Variants in NRG3 observed in about 807,000 individuals in gnomAD.
The protein encoded by NRG3 is neuregulin 3, also known as pro-neuregulin-3, membrane-bound isoform.
In NRG3, 31 loss-of-function variants were observed where a neutral mutation model predicts 66.9. The ratio of observed to expected loss-of-function variants is 0.46; its 90% confidence interval spans 0.35 to 0.63. The LOEUF (loss-of-function observed/expected upper bound fraction) is 0.63, where lower values mean the gene tolerates loss of function less well. NRG3 is among the 20% of genes least tolerant of loss of function. The pLI, the probability that NRG3 is intolerant of heterozygous loss-of-function variation, is 0.00. For missense variants in NRG3, 910 were observed against 878.9 expected (o/e 1.04, Z -0.45); for synonymous variants, 393 against 359.4 (o/e 1.09, Z -1.06).
At chr10:82,501,380 T>A (rs1334307155) in intron 2 of NRG3, among the ~76,000 whole-genome samples, 2 of 152,126 alleles carry the variant, frequency 1.3e-5, no homozygotes, top group Non-Finnish European at 2.9e-5. Context: ...TTAGGTCACC[T>A]CACTCCCCTG....
At position 82,899,079 on chromosome 10, in the gene NRG3, C is replaced by T. The variant is rs184435888; in HGVS notation, c.1054+33642C>T. On this transcript the variant is annotated intron_variant, in intron 4 of 8. Transcript: ENST00000372141. ...GTGACCAAATTGTTTTGGTCTTTAA[C>T]GACTTCATGTGTATAATGAGGGATG... 4.2e-3 allele frequency among the ~76,000 whole-genome samples: 636 copies of T among 152,144 alleles called. 5 individuals are homozygous for T. Among genetic ancestry groups the T allele is most frequent in the Non-Finnish European group, 6.1e-3 (417 of 67,996 alleles).
chr10:82,696,935 G>A (rs139333657), intron 2 of NRG3, among the ~76,000 whole-genome samples: 110 of 152,296 alleles, frequency 7.2e-4, no homozygotes, highest in Admixed American at 1.4e-3. Flanking sequence ...TATGAAAAAC[G>A]TCCCTCCATT....
intron 1 of NRG3, among the ~76,000 whole-genome samples, chr10:82,208,338 T>A (rs2133591490): frequency 6.6e-6 from 1 of 152,226 alleles, no homozygotes; most frequent in East Asian, 1.9e-4. Flanking sequence ...TAATCAAATG[T>A]TTTATATTAG....
At chr10:82,420,309 A>T (rs576994420) in intron 2 of NRG3, among the ~76,000 whole-genome samples, 19 of 152,274 alleles carry the variant, frequency 1.2e-4, no homozygotes, top group Middle Eastern at 3.4e-3. Context: ...CAGAAGTCAT[A>T]ATTAGGGATG....
At chr10:81,964,635 G>A (rs556893304) in intron 1 of NRG3, among the ~76,000 whole-genome samples, 96 of 152,196 alleles carry the variant, frequency 6.3e-4, no homozygotes, top group Non-Finnish European at 1.0e-3. Flanking sequence ...TGGAATACTG[G>A]ATCAGACAGT....
Position 82,572,688 on chromosome 10 carries a change from T to C in NRG3, c.954-165889T>C, listed in dbSNP as rs558557471. ...TCTTTCTTTTCTACTTTCCCAGAAA[T>C]TCTGGTAAAAGTAATGTAAAAAATG... On this transcript the variant is annotated intron_variant, in intron 2 of 8. Transcript: ENST00000372141. 3.4e-4 allele frequency among the ~76,000 whole-genome samples: 51 copies of C among 151,726 alleles called. No homozygotes were observed. In the South Asian group the frequency reaches 0.011, roughly 31 times the overall value.
intron 2 of NRG3, among the ~76,000 whole-genome samples, chr10:82,602,681 C>G (rs1439157609): frequency 6.6e-6 from 1 of 152,022 alleles, no homozygotes; most frequent in Non-Finnish European, 1.5e-5. Context: ...TATATGAAGA[C>G]CCAAGCGCAG....
At chr10:82,463,358 A>C (rs763143322) in intron 2 of NRG3, among the ~76,000 whole-genome samples, 18 of 152,198 alleles carry the variant, frequency 1.2e-4, no homozygotes, top group Non-Finnish European at 2.5e-4. Flanking sequence ...AGTCAAGAGC[A>C]GTGAGCAAAA....
intron 2 of NRG3, among the ~76,000 whole-genome samples, chr10:82,660,263 C>T (rs926878701): frequency 1.7e-5 from 2 of 119,476 alleles, no homozygotes; most frequent in African/African-American, 6.2e-5. Context: ...AAAGTGACTA[C>T]TGCAATAGAT....
intron 1 of NRG3, among the ~76,000 whole-genome samples, chr10:82,155,118 A>G (rs56099046): frequency 0.022 from 3,342 of 151,778 alleles, 123 homozygotes; most frequent in African/African-American, 0.076. Context: ...AGCATGGAGG[A>G]CTCTGATACA....
intron 2 of NRG3, among the ~76,000 whole-genome samples, chr10:82,573,183 G>A (rs918417816): frequency 6.6e-6 from 1 of 151,788 alleles, no homozygotes; most frequent in Non-Finnish European, 1.5e-5. Context: ...CTACCTAAAT[G>A]TACTGCATTG....
chr10:82,728,474 C>A (rs1333057252), intron 2 of NRG3, among the ~76,000 whole-genome samples: 1 of 152,180 alleles, frequency 6.6e-6, no homozygotes, highest in Non-Finnish European at 1.5e-5. Context: ...TACCTGCTAC[C>A]ATCCATGTAA....
At chr10:82,531,548 TAAAC>T (rs1472274508) in intron 2 of NRG3, among the ~76,000 whole-genome samples, 2 of 151,874 alleles carry the variant, frequency 1.3e-5, no homozygotes, top group Non-Finnish European at 3.0e-5. Context: ...TATTAATTAA[TAAAC>T]AGTTATTTTT....
At chr10:82,586,158 T>G (rs1472749277) in intron 2 of NRG3, among the ~76,000 whole-genome samples, 1 of 151,930 alleles carries the variant, frequency 6.6e-6, no homozygotes, top group Non-Finnish European at 1.5e-5. Context: ...TCATTCATAC[T>G]GCAAACCTCA....
Position 82,921,048 on chromosome 10 carries a change from T to C in NRG3, c.1055-30421T>C, listed in dbSNP as rs142505370. 7.1e-3 allele frequency among the ~76,000 whole-genome samples: 1,074 copies of C among 151,808 alleles called. 7 individuals carry two copies. The highest frequency in any genetic ancestry group is 0.012 in the Non-Finnish European group (805 of 67,926). Reference sequence around the variant, plus strand: ...GTGACTTTTCTTCCAGAGAGCAGTGTATGGAAACAGAAAAAAAAAAAGTAA... The same window carrying C: ...GTGACTTTTCTTCCAGAGAGCAGTGCATGGAAACAGAAAAAAAAAAAGTAA... On this transcript the variant is annotated intron_variant, in intron 4 of 8. Coordinates refer to ENST00000372141, the MANE Select transcript of NRG3 (RefSeq NM_001010848.4).
intron 1 of NRG3, among the ~76,000 whole-genome samples, chr10:82,264,664 G>A (rs911118622): frequency 6.6e-6 from 1 of 152,176 alleles, no homozygotes; most frequent in African/African-American, 2.4e-5. Context: ...TAACAATGTT[G>A]CCAATGAAGG....
chr10:82,082,760 C>G (rs1011033486), intron 1 of NRG3, among the ~76,000 whole-genome samples: 24 of 152,280 alleles, frequency 1.6e-4, no homozygotes, highest in Non-Finnish European at 3.1e-4. Flanking sequence ...AATGGAAAAC[C>G]TCCAAAGATC....
chr10:82,599,670 C>T (rs555594952), intron 2 of NRG3, among the ~76,000 whole-genome samples: 2 of 151,982 alleles, frequency 1.3e-5, no homozygotes, highest in South Asian at 2.1e-4. Context: ...AAAAAATAGT[C>T]GGGCGTGGTG....
intron 1 of NRG3, among the ~76,000 whole-genome samples, chr10:82,330,058 A>G (rs1035056618): frequency 2.0e-5 from 3 of 152,192 alleles, no homozygotes; most frequent in Non-Finnish European, 4.4e-5. Context: ...TTTTGGCCAT[A>G]AAGATTTTCC....
Sources: allele counts gnomAD v4.1 joint callset (sites outside exome capture counted in the v4.1 genomes callset), GRCh38; gene constraint gnomAD v4.1.1; transcripts MANE v1.5; gene names NCBI Gene and HGNC (gene_info 2026-07-23, HGNC 2026-07-21).